SYCP2: variants seen among roughly 807,000 people sequenced by gnomAD.
SYCP2 encodes synaptonemal complex protein 2.
In SYCP2, 55 loss-of-function variants were observed where a neutral mutation model predicts 211.3. That is an observed-to-expected ratio of 0.26 (90% CI 0.21 to 0.33). The LOEUF is 0.33. Among genes scored for constraint, SYCP2 ranks in the 10% least tolerant of loss-of-function variants. The pLI is 1.00. For synonymous variants in SYCP2, 570 were observed against 555.2 expected, an observed-to-expected ratio of 1.03 and a Z score of -0.37; for missense variants, 1,731 against 1,752.0, an observed-to-expected ratio of 0.99 and a Z score of 0.21.
chr20:59,900,951 C>T (rs2060104550), intron 16 of SYCP2, 133 bp from the exon 17 acceptor site: 1 of 671,486 alleles, frequency 1.5e-6, no homozygotes, highest in East Asian at 2.7e-5. Flanking sequence ...CAAATTATTA[C>T]TTTGCATATA....
At chr20:59,866,441 A>C in intron 40 of SYCP2, 49 bp from the exon 41 acceptor site, 2 of 1,558,934 alleles carry the variant, frequency 1.3e-6, no homozygotes, top group Non-Finnish European at 1.8e-6. Context: ...TAGCATTCAG[A>C]ATATAGGAAT....
At chr20:59,912,921 C>G (rs558980226) in intron 12 of SYCP2, among the ~76,000 whole-genome samples, 1 of 152,334 alleles carries the variant, frequency 6.6e-6, no homozygotes, top group African/African-American at 2.4e-5. Flanking sequence ...ACTTGCTCCT[C>G]CTTGCCTTCT....
chr20:59,926,641 C>T (rs756643301), intron 2 of SYCP2, among the ~76,000 whole-genome samples: 34 of 152,058 alleles, frequency 2.2e-4, no homozygotes, highest in South Asian at 4.1e-4. Context: ...ATTAGAATCT[C>T]ACATATCTTT....
intron 2 of SYCP2, among the ~76,000 whole-genome samples, chr20:59,928,260 AATTGC>A (rs1333872442): frequency 6.6e-6 from 1 of 152,202 alleles, no homozygotes; most frequent in East Asian, 1.9e-4. Flanking sequence ...ATAATCAGAC[AATTGC>A]ATTTTTTAAT....
In SYCP2 at chr20:59,892,539, T is replaced by C. The variant is rs371101619; in HGVS notation, c.1927+29A>G. 19 of 1,579,248 alleles carry C rather than the reference T, an allele frequency of 1.2e-5. No homozygotes were observed. In the African/African-American group the frequency reaches 2.6e-4, roughly 22 times the overall value. Reference sequence around the variant, plus strand: ...ACATTTGAGGAAATTAACACTGAACTATTACATATAGATAAAACTAAGTTT... The same window carrying C: ...ACATTTGAGGAAATTAACACTGAACCATTACATATAGATAAAACTAAGTTT... On this transcript the variant is annotated intron_variant, in intron 23 of 44. Transcript: ENST00000357552.
At chr20:59,917,805 G>A (rs1292453758) in intron 7 of SYCP2, among the ~76,000 whole-genome samples, 1 of 152,116 alleles carries the variant, frequency 6.6e-6, no homozygotes, top group Non-Finnish European at 1.5e-5. Context: ...AGAATGAGTA[G>A]GAACATATTC....
intron 2 of SYCP2, among the ~76,000 whole-genome samples, chr20:59,931,543 A>AC (rs1244007699): frequency 1.3e-5 from 2 of 152,068 alleles, no homozygotes; most frequent in Non-Finnish European, 2.9e-5. Flanking sequence ...CTCCATTTAT[A>AC]CTCTTACCCT....
intron 19 of SYCP2, among the ~76,000 whole-genome samples, chr20:59,896,047 GAT>G (rs2060001062): frequency 6.6e-6 from 1 of 151,954 alleles, no homozygotes; most frequent in East Asian, 1.9e-4. Context: ...AACTTGATAA[GAT>G]AGATACTTAA....
intron 33 of SYCP2, among the ~76,000 whole-genome samples, chr20:59,876,759 T>C (rs996808315): frequency 2.0e-5 from 3 of 152,114 alleles, no homozygotes; most frequent in African/African-American, 7.2e-5. Flanking sequence ...GCACTACATA[T>C]ATTTATATAC....
intron 31 of SYCP2, among the ~76,000 whole-genome samples, chr20:59,879,003 T>A (rs917772753): frequency 6.6e-6 from 1 of 152,078 alleles, no homozygotes; most frequent in Non-Finnish European, 1.5e-5. Context: ...GAATTTCAAT[T>A]TCGTAAGTTA....
chr20:59,876,212 A>G (rs1309811069), intron 33 of SYCP2, among the ~76,000 whole-genome samples: 1 of 151,430 alleles, frequency 6.6e-6, no homozygotes, highest in Non-Finnish European at 1.5e-5. Flanking sequence ...CTCTACTAAA[A>G]ATACAAAAAT....
Position 59,868,555 on chromosome 20 carries a change from A to G in SYCP2, c.3846T>C (p.His1282=). The G allele has an allele frequency of 1.9e-6, 3 of 1,602,294 alleles. No individual in the cohort carries two copies. Among genetic ancestry groups the G allele is most frequent in the Non-Finnish European group, 1.7e-6 (2 of 1,176,524 alleles). Residue 1282 remains histidine (H), a synonymous_variant, in exon 38 of 45, where the codon CAT becomes CAC. Coordinates refer to ENST00000357552, the MANE Select transcript of SYCP2 (RefSeq NM_014258.4). ...DATHVSGPTQ[H]LSRKRIYIED... The stretch of plus-strand genomic sequence containing the variant: ...CTATATATATTCTTTTGCGACTAAG[A>G]TGTTGGGTGGGGCCTTAGGAACAGT...
chr20:59,866,529 G>C lies in SYCP2; in HGVS notation c.4186C>G (p.Leu1396Val), dbSNP rs754713293. The change falls in exon 40 of 45, where the codon CTG (leucine) becomes GTG (valine). Residue 1396 changes from leucine (L) to valine (V), a missense_variant. By Grantham distance (32) the Leu-to-Val change is conservative (BLOSUM62 1). This residue lies in a region of SYCP2 where 1,387 missense variants were observed against 1,351.3 expected (regional missense o/e 1.03). Transcript: ENST00000357552. ...TQSWKTAQQHLRTMNHQSQDS... is the reference protein window; with the variant it reads ...TQSWKTAQQHVRTMNHQSQDS... ...TGACTTTGATGATTCATTGTTCTCA[G>C]ATGTTGCTGAGCTGTTTTCCAAGAC... The C allele has an allele frequency of 8.1e-6, 13 of 1,607,598 alleles. No individual in the cohort carries two copies. The highest frequency in any genetic ancestry group is 1.1e-5 in the Non-Finnish European group (13 of 1,177,618).
At position 59,892,287 on chromosome 20, in the gene SYCP2, AACTTCT is replaced by A; in HGVS notation, c.2061_2066del (p.Glu688_Val689del). On this transcript the variant is annotated inframe_deletion, in exon 24 of 45. Coordinates refer to ENST00000357552, the MANE Select transcript of SYCP2 (RefSeq NM_014258.4). ...TTTGTTGCTGATTGTGTTTCTTGCA[AACTTCT>A]ACTTCTGCTTTATCTATTTTGATAT... 1 of 1,612,484 alleles carries A rather than the reference AACTTCT, an allele frequency of 6.2e-7. No individual in the cohort carries two copies. The highest frequency in any genetic ancestry group is 1.7e-5 in the Admixed American group (1 of 59,872).
intron 44 of SYCP2, among the ~76,000 whole-genome samples, chr20:59,864,666 A>T (rs547878198): frequency 7.7e-4 from 117 of 152,134 alleles, no homozygotes; most frequent in Non-Finnish European, 1.3e-3. Flanking sequence ...AGTAAAATTA[A>T]AAGTCTAGAA....
At chr20:59,909,844 A>T (rs1215552476) in intron 14 of SYCP2, among the ~76,000 whole-genome samples, 1 of 152,234 alleles carries the variant, frequency 6.6e-6, no homozygotes, top group Non-Finnish European at 1.5e-5. Context: ...AAAGGAAATA[A>T]GACAATGTGG....
At chr20:59,933,524 GCCC>G (rs1374330616) in intron 1 of SYCP2, 42 bp downstream of exon 1, 1 of 151,440 alleles carries the variant, frequency 6.6e-6, no homozygotes, top group Non-Finnish European at 1.5e-5. Context: ...CTCCCTCCGC[GCCC>G]CGCCGTGGGG....
chr20:59,905,752 T>C (rs1360482559), intron 15 of SYCP2, among the ~76,000 whole-genome samples: 1 of 152,156 alleles, frequency 6.6e-6, no homozygotes, highest in Non-Finnish European at 1.5e-5. Context: ...CAAAAGACTT[T>C]TGGCTAACAT....
At position 59,922,425 on chromosome 20, in the gene SYCP2, TTA is replaced by T. The variant is rs1491579772; in HGVS notation, c.-14_-13del. 2.6e-6 allele frequency: 4 copies of T among 1,550,408 alleles called. No homozygotes were observed. Among genetic ancestry groups the T allele is most frequent in the East Asian group, 4.5e-5 (2 of 43,990 alleles). ...GGTCTTATTGGCATTTTGACTTCAT[TTA>T]AAAAAAAAAAAAAAGCAAGACAAAA... is the stretch of plus-strand genomic sequence containing the variant. On this transcript the variant is annotated 5_prime_UTR_variant, in exon 3 of 45. Transcript: ENST00000357552.
Sources: allele counts gnomAD v4.1 joint callset (sites outside exome capture counted in the v4.1 genomes callset), GRCh38; gene constraint gnomAD v4.1.1; regional missense constraint gnomAD v4.1.1; transcripts MANE v1.5; gene names NCBI Gene and HGNC (gene_info 2026-07-23, HGNC 2026-07-21).